GSE1: variants seen among roughly 807,000 people sequenced by gnomAD.
GSE1 encodes genetic suppressor element 1.
Under a neutral mutation model 112.6 loss-of-function variants are expected in GSE1, and 32 were observed. That is an observed-to-expected ratio of 0.28 (90% CI 0.21 to 0.38). The LOEUF is 0.38. Ranked by LOEUF, GSE1 falls within the 10% of genes least tolerant of loss-of-function variation. GSE1 has a pLI of 1.00. For synonymous variants in GSE1, 1,115 were observed against 735.6 expected (o/e 1.52, Z -8.35); for missense variants, 2,348 against 1,699.2 (o/e 1.38, Z -6.71).
At chr16:85,245,637 A>G (rs1368599220) in intron 1 of GSE1, among the ~76,000 whole-genome samples, 1 of 152,134 alleles carries the variant, frequency 6.6e-6, no homozygotes, top group Non-Finnish European at 1.5e-5. Context: ...AAACGTTTTA[A>G]CTCTTAAAAT....
chr16:85,664,373 C>T (rs1017131920), intron 11 of GSE1, among the ~76,000 whole-genome samples: 3 of 152,288 alleles, frequency 2.0e-5, no homozygotes, highest in East Asian at 1.9e-4. Context: ...AGGGTGTAGC[C>T]GTTTACTTTC....
At position 85,199,331 on chromosome 16, in the gene GSE1, C is replaced by T. The variant is rs375695654; in HGVS notation, c.2283+27524C>T. ...AAACTCCTGGACTCAAGCAATCCTC[C>T]CGCCTCAGCCTCCCAAAGTGTGGAG... On this transcript the variant is annotated intron_variant, in intron 1 of 2. Transcript: ENST00000637419. Among the ~76,000 whole-genome samples the T allele has an allele frequency of 3.9e-5, 6 of 152,278 alleles. No homozygotes were observed. The South Asian group carries it at 1.2e-3, about 32-fold the overall frequency.
At chr16:85,249,664 G>T (rs1906242580) in intron 1 of GSE1, among the ~76,000 whole-genome samples, 1 of 152,210 alleles carries the variant, frequency 6.6e-6, no homozygotes, top group South Asian at 2.1e-4. Flanking sequence ...CTCTGGGGCA[G>T]GCCTGGTCCT....
intron 2 of GSE1, among the ~76,000 whole-genome samples, chr16:85,450,089 T>G (rs891688379): frequency 1.1e-4 from 17 of 148,142 alleles, no homozygotes; most frequent in Non-Finnish European, 1.2e-4. Flanking sequence ...GTGGGTACTT[T>G]GTGGCCAGTT....
intron 1 of GSE1, among the ~76,000 whole-genome samples, chr16:85,244,362 G>C (rs553977487): frequency 6.6e-6 from 1 of 152,268 alleles, no homozygotes; most frequent in South Asian, 2.1e-4. Flanking sequence ...GAAAAGAAAC[G>C]AGATGTTTCT....
intron 1 of GSE1, among the ~76,000 whole-genome samples, chr16:85,560,811 A>G (rs1310284469): frequency 6.6e-6 from 1 of 152,082 alleles, no homozygotes; most frequent in East Asian, 1.9e-4. Flanking sequence ...CCGGGCCAGT[A>G]ATAACGATCC....
chr16:85,418,996 C>G (rs1403605838), intron 2 of GSE1, among the ~76,000 whole-genome samples: 1 of 152,094 alleles, frequency 6.6e-6, no homozygotes, highest in African/African-American at 2.4e-5. Context: ...GGAGCTCCGT[C>G]CTGGCCATGT....
At chr16:85,348,075 A>G (rs1415830733) in intron 1 of GSE1, among the ~76,000 whole-genome samples, 1 of 152,194 alleles carries the variant, frequency 6.6e-6, no homozygotes, top group East Asian at 1.9e-4. Context: ...TCCAGGACGC[A>G]TGGTCCAGGG....
chr16:85,387,816 G>A (rs2047720288), intron 2 of GSE1, among the ~76,000 whole-genome samples: 1 of 152,258 alleles, frequency 6.6e-6, no homozygotes, highest in Admixed American at 6.5e-5. Context: ...TTAGACAAAT[G>A]GGTGAATGAA....
intron 2 of GSE1, among the ~76,000 whole-genome samples, chr16:85,412,765 CT>C (rs2048606330): frequency 6.6e-6 from 1 of 151,856 alleles, no homozygotes; most frequent in Non-Finnish European, 1.5e-5. Context: ...CTCAGGGTCC[CT>C]CTGATAATCC....
At chr16:85,662,879 G>C (rs2052545477) in intron 9 of GSE1, 102 bp from the exon 10 acceptor site, 2 of 807,730 alleles carry the variant, frequency 2.5e-6, no homozygotes, top group South Asian at 1.5e-5. Context: ...GTGCCAGCAG[G>C]CCTGGCCTGA....
At chr16:85,597,195 T>A (rs1362710025) in intron 1 of GSE1, among the ~76,000 whole-genome samples, 1 of 151,376 alleles carries the variant, frequency 6.6e-6, no homozygotes, top group Non-Finnish European at 1.5e-5. Flanking sequence ...GCCAGGCTGG[T>A]CTCGAACTCC....
rs965140639 is a variant in GSE1 at position 85,647,680 on chromosome 16, G to A, written c.227-872G>A. 1.7e-4 allele frequency among the ~76,000 whole-genome samples: 26 copies of A among 152,272 alleles called. No homozygotes were observed. The East Asian group carries it at 2.3e-3, about 14-fold the overall frequency. ...CTGCTCACCAGAACCTCCGCCTCCC[G>A]GGTTCAAGCGATTCTCCTGCCTCCG... On this transcript the variant is annotated intron_variant, in intron 2 of 15. Transcript: ENST00000253458.
At chr16:85,660,909 G>C (rs1370949295) in intron 8 of GSE1, among the ~76,000 whole-genome samples, 1 of 152,084 alleles carries the variant, frequency 6.6e-6, no homozygotes, top group African/African-American at 2.4e-5. Flanking sequence ...GGATTACAGG[G>C]ATGAGCCACT....
At chr16:85,555,672 G>A (rs1181781304), upstream of GSE1, 14 of 278,774 alleles carry the variant, frequency 5.0e-5, no homozygotes, top group African/African-American at 4.0e-4. Context: ...ACCCCCTCCC[G>A]CCGCCCCCCC....
chr16:85,350,689 T>C (rs1205248289), intron 1 of GSE1, among the ~76,000 whole-genome samples: 1 of 152,224 alleles, frequency 6.6e-6, no homozygotes, highest in African/African-American at 2.4e-5. Flanking sequence ...AGCTAGTTTG[T>C]TGAGAACCTG....
chr16:85,397,147 G>C (rs1322771897), intron 2 of GSE1, among the ~76,000 whole-genome samples: 1 of 152,216 alleles, frequency 6.6e-6, no homozygotes, highest in Non-Finnish European at 1.5e-5. Context: ...GAAGTCCTGG[G>C]GGGAGACTTG....
chr16:85,662,724 G>A (rs1257932618), intron 9 of GSE1: 2 of 483,750 alleles, frequency 4.1e-6, no homozygotes, highest in African/African-American at 4.0e-5. Flanking sequence ...GGAGGAGGGA[G>A]GTCTTGTCAG....
intron 2 of GSE1, among the ~76,000 whole-genome samples, chr16:85,457,883 G>C (rs1305030450): frequency 6.6e-6 from 1 of 152,230 alleles, no homozygotes; most frequent in Non-Finnish European, 1.5e-5. Context: ...GCCCTGTGCG[G>C]AGGCTTTCCA....
Sources: gnomAD v4.1 joint callset for allele counts (sites outside exome capture counted in the v4.1 genomes callset) on GRCh38, gnomAD v4.1.1 for gene constraint, MANE v1.5 for transcripts, NCBI Gene and HGNC (gene_info 2026-07-23, HGNC 2026-07-21) for gene names.